The following CA5A variants were observed in gnomAD, a reference collection of about 807,000 sequenced individuals.
CA5A encodes the protein carbonic anhydrase 5A, mitochondrial.
A neutral mutation model predicts 37.1 loss-of-function variants in CA5A; 28 were observed. The ratio of observed to expected loss-of-function variants is 0.75; its 90% CI spans 0.56 to 1.03. The LOEUF is 1.03. CA5A is among the 50% of genes least tolerant of loss of function. The probability of loss-of-function intolerance (pLI) is 0.00; values close to 1 mark genes in which losing one functional copy is unlikely to be tolerated. For missense variants in CA5A, 444 were observed against 399.9 expected, an observed-to-expected ratio of 1.11 and a Z score of -0.94; for synonymous variants, 171 against 158.4, an observed-to-expected ratio of 1.08 and a Z score of -0.60.
downstream of CA5A, chr16:87,885,526 C>G (rs1289837941): frequency 1.3e-5 from 2 of 152,516 alleles, no homozygotes; most frequent in Non-Finnish European, 2.9e-5. Flanking sequence ...CTTTGGAAAA[C>G]TCTTTGGCAG....
At position 87,902,913 on chromosome 16, in the gene CA5A, C is replaced by CAA. The variant is rs111457269; in HGVS notation, c.460-395_460-394dup. Among the ~76,000 whole-genome samples, 504 of 113,712 alleles carry CAA rather than the reference C, an allele frequency of 4.4e-3. 3 individuals carry two copies. Among genetic ancestry groups the CAA allele is most frequent in the African/African-American group, 0.015 (477 of 32,816 alleles). 74.6% of individuals were successfully genotyped at this position (113,712 alleles called of 152,430 possible). The stretch of plus-strand genomic sequence containing the variant: ...GGTGACAGAGCGAGACTCCATCTCA[C>CAA]AAAAAAAAAAAAAAAGAACTAAGTT... On this transcript the variant is annotated intron_variant, in intron 3 of 6. Transcript: ENST00000649794.
chr16:87,912,686 G>C (rs114671281), intron 2 of CA5A, among the ~76,000 whole-genome samples: 2,863 of 152,364 alleles, frequency 0.019, 110 homozygotes, highest in African/African-American at 0.066. Flanking sequence ...AGAGGTGAGA[G>C]TGTGGGCTTT....
At chr16:87,895,942 G>T (rs1366046245) in intron 5 of CA5A, among the ~76,000 whole-genome samples, 4 of 152,182 alleles carry the variant, frequency 2.6e-5, no homozygotes, top group Non-Finnish European at 5.9e-5. Context: ...GACTGCTTGT[G>T]CATGTGGGTA....
At chr16:87,933,217 A>G (rs1265948794) in intron 1 of CA5A, among the ~76,000 whole-genome samples, 2 of 152,236 alleles carry the variant, frequency 1.3e-5, no homozygotes, top group Non-Finnish European at 2.9e-5. Flanking sequence ...CCAGGAATTT[A>G]GAATCTTTGA....
At chr16:87,922,211 A>G (rs766815241) in intron 2 of CA5A, among the ~76,000 whole-genome samples, 1 of 151,988 alleles carries the variant, frequency 6.6e-6, no homozygotes. Flanking sequence ...GCCCCCCATA[A>G]AATTAGCATT....
Position 87,892,693 on chromosome 16 carries a change from G to C in CA5A, c.619-739C>G, listed in dbSNP as rs530119035. Among the ~76,000 whole-genome samples, 277 of 128,070 alleles carry C rather than the reference G, an allele frequency of 2.2e-3. 2 individuals are homozygous for C. Among genetic ancestry groups the C allele is most frequent in the Non-Finnish European group, 3.5e-3 (220 of 62,064 alleles). 84.0% of individuals were successfully genotyped at this position (128,070 alleles called of 152,430 possible). A position where few individuals can be genotyped will look rare whatever the true frequency, so the allele number is the denominator to read the frequency against. ...TTAACCTTTTTTTTTTTTTTTTCGAGATGGAGTTTTGCTCTTGTTGCCCAG... is the reference window on the plus strand; with the variant it reads ...TTAACCTTTTTTTTTTTTTTTTCGACATGGAGTTTTGCTCTTGTTGCCCAG... On this transcript the variant is annotated intron_variant, in intron 5 of 6. Coordinates refer to ENST00000649794, the MANE Select transcript of CA5A (RefSeq NM_001739.2).
chr16:87,931,377 G>C (rs2056402614), intron 1 of CA5A, among the ~76,000 whole-genome samples: 1 of 152,166 alleles, frequency 6.6e-6, no homozygotes, highest in African/African-American at 2.4e-5. Flanking sequence ...CTCCCAAAGT[G>C]CTGGGATTAC....
chr16:87,893,827 C>T (rs1334711299), intron 5 of CA5A: 2 of 333,066 alleles, frequency 6.0e-6, no homozygotes, highest in East Asian at 8.2e-5. Flanking sequence ...GGCAGGAGTG[C>T]AATGATGCCA....
At chr16:87,881,869 C>T (rs571806246) in exon 5 of CA5A, 43 of 152,332 alleles carry the variant, frequency 2.8e-4, no homozygotes, top group African/African-American at 1.0e-3. Flanking sequence ...AGGATTAGCA[C>T]CAGTTTTTAA....
chr16:87,903,987 T>C (rs1200965215), intron 3 of CA5A, among the ~76,000 whole-genome samples: 2 of 152,112 alleles, frequency 1.3e-5, no homozygotes, highest in Non-Finnish European at 2.9e-5. Flanking sequence ...ATTCCCAACA[T>C]TGATATGCAC....
chr16:87,920,462 A>ACGT (rs1474385129), intron 2 of CA5A, among the ~76,000 whole-genome samples: 3 of 151,952 alleles, frequency 2.0e-5, no homozygotes, highest in Non-Finnish European at 4.4e-5. Flanking sequence ...GGCATGCACC[A>ACGT]CCACGCTCGG....
chr16:87,936,242 C>T, intron 1 of CA5A, 67 bp downstream of exon 1: 2 of 1,148,512 alleles, frequency 1.7e-6, no homozygotes, highest in South Asian at 2.6e-5. Context: ...CCTCTCTCCT[C>T]TCGAAAGACC....
intron 2 of CA5A, 106 bp from the exon 3 acceptor site, chr16:87,905,010 G>C: frequency 1.3e-6 from 1 of 743,416 alleles, no homozygotes; most frequent in East Asian, 2.5e-5. Flanking sequence ...TCACTCGCAA[G>C]GGGTTGCTGT....
intron 2 of CA5A, among the ~76,000 whole-genome samples, chr16:87,919,786 A>G (rs76950006): frequency 0.21 from 31,454 of 151,934 alleles, 3,522 homozygotes; most frequent in South Asian, 0.38. Context: ...TGGACAAGAG[A>G]GAGGAAGGCA....
rs554617466 is a variant in CA5A at position 87,903,198 on chromosome 16, C to T, written c.460-678G>A. On this transcript the variant is annotated intron_variant, in intron 3 of 6. Transcript: ENST00000649794. The stretch of plus-strand genomic sequence containing the variant: ...CTATAATCTCAGCACTCTGGGAGGC[C>T]GAGGTGGGTGGATCACGAGGTCAGG... Among the ~76,000 whole-genome samples the T allele has an allele frequency of 8.5e-5, 13 of 152,052 alleles. No individual in the cohort carries two copies. In the East Asian group the frequency reaches 1.8e-3, roughly 20 times the overall value.
chr16:87,918,182 T>C (rs2056180941), intron 2 of CA5A, among the ~76,000 whole-genome samples: 1 of 152,220 alleles, frequency 6.6e-6, no homozygotes, highest in African/African-American at 2.4e-5. Flanking sequence ...AGGAAGCTAT[T>C]GTCTACTAAA....
At chr16:87,895,424 A>T (rs2055788120) in intron 5 of CA5A, among the ~76,000 whole-genome samples, 1 of 152,094 alleles carries the variant, frequency 6.6e-6, no homozygotes, top group South Asian at 2.1e-4. Flanking sequence ...GCATGCCTGT[A>T]ATCCCAGCTA....
At chr16:87,887,924 G>A (rs1344478387), downstream of CA5A, 3 of 647,506 alleles carry the variant, frequency 4.6e-6, no homozygotes, top group East Asian at 3.1e-5. Flanking sequence ...GGGTGCCATG[G>A]CACACCCCTC....
intron 5 of CA5A, among the ~76,000 whole-genome samples, chr16:87,896,895 C>T (rs987623911): frequency 2.6e-5 from 4 of 152,378 alleles, no homozygotes; most frequent in African/African-American, 9.6e-5. Flanking sequence ...CCGCCTCAGC[C>T]TCCCACAGTG....
Sources: gnomAD v4.1 joint callset for allele counts (sites outside exome capture counted in the v4.1 genomes callset) on GRCh38, gnomAD v4.1.1 for gene constraint, MANE v1.5 for transcripts, NCBI Gene and HGNC (gene_info 2026-07-23, HGNC 2026-07-21) for gene names.